SNX29: variants seen among roughly 807,000 people sequenced by gnomAD.
The protein encoded by SNX29 is sorting nexin-29.
A neutral mutation model predicts 102.1 loss-of-function variants in SNX29; 78 were observed. The ratio of observed to expected loss-of-function variants is 0.76; its 90% CI spans 0.64 to 0.92. The LOEUF is 0.92. Ranked by LOEUF, SNX29 falls within the 40% of genes least tolerant of loss-of-function variation. SNX29 has a pLI of 0.00. For synonymous variants in SNX29, 580 were observed against 414.5 expected, an observed-to-expected ratio of 1.40 and a Z score of -4.85; for missense variants, 1,280 against 1,061.7, an observed-to-expected ratio of 1.21 and a Z score of -2.86.
At chr16:12,170,775 G>C (rs2076131167) in intron 13 of SNX29, among the ~76,000 whole-genome samples, 1 of 150,116 alleles carries the variant, frequency 6.7e-6, no homozygotes, top group Non-Finnish European at 1.5e-5. Context: ...GAGTGTGAGT[G>C]TGTGTGTGAG....
intron 20 of SNX29, among the ~76,000 whole-genome samples, chr16:12,536,740 G>C (rs569453018): frequency 1.3e-4 from 20 of 152,182 alleles, no homozygotes; most frequent in Non-Finnish European, 2.4e-4. Flanking sequence ...CACTTTGGGA[G>C]GTCAAGGCAG....
At chr16:12,564,511 CAAGTTTTCTGACTCTGAATATGGAGTT>C in intron 20 of SNX29, among the ~76,000 whole-genome samples, 1 of 152,212 alleles carries the variant, frequency 6.6e-6, no homozygotes. Flanking sequence ...AGAAGGAACT[CAAGTTTTCTGACTCTGAATATGGAGTT>C]AAGGCCTTTG....
intron 3 of SNX29, among the ~76,000 whole-genome samples, chr16:12,026,989 A>G (rs2057209019): frequency 6.6e-6 from 1 of 152,056 alleles, no homozygotes; most frequent in African/African-American, 2.4e-5. Flanking sequence ...CCCACACTGA[A>G]CTGATTGGTT....
chr16:12,485,298 C>T (rs1401564454), intron 19 of SNX29, among the ~76,000 whole-genome samples: 1 of 152,098 alleles, frequency 6.6e-6, no homozygotes, highest in East Asian at 1.9e-4. Context: ...GTAAAGGACT[C>T]GTTTTTGATG....
chr16:12,021,682 G>A (rs1051942027), intron 3 of SNX29, among the ~76,000 whole-genome samples: 6 of 152,076 alleles, frequency 3.9e-5, no homozygotes, highest in Admixed American at 3.3e-4. Flanking sequence ...GAGGTCAGCA[G>A]TTTGAGATCA....
At chr16:12,276,586 C>G (rs1369795044) in intron 14 of SNX29, among the ~76,000 whole-genome samples, 1 of 152,186 alleles carries the variant, frequency 6.6e-6, no homozygotes, top group African/African-American at 2.4e-5. Context: ...GATAGGGCAT[C>G]CAAGGGATTT....
intron 14 of SNX29, among the ~76,000 whole-genome samples, chr16:12,217,471 G>C (rs2077354578): frequency 6.6e-6 from 1 of 152,160 alleles, no homozygotes; most frequent in Non-Finnish European, 1.5e-5. Context: ...TCAATACTTT[G>C]AAACCTACAG....
intron 1 of SNX29, among the ~76,000 whole-genome samples, chr16:11,980,035 C>T (rs368914799): frequency 2.6e-5 from 4 of 152,200 alleles, no homozygotes; most frequent in African/African-American, 9.6e-5. Flanking sequence ...TCTTTTAGGT[C>T]TCTCCCTCAC....
chr16:12,468,679 C>G (rs1448826233), intron 18 of SNX29, among the ~76,000 whole-genome samples: 1 of 152,168 alleles, frequency 6.6e-6, no homozygotes, highest in South Asian at 2.1e-4. Flanking sequence ...GTTTTGTTCT[C>G]CATGATAGCC....
chr16:12,049,834 C>G (rs560132676), intron 7 of SNX29, among the ~76,000 whole-genome samples: 74 of 152,252 alleles, frequency 4.9e-4, no homozygotes, highest in Non-Finnish European at 8.7e-4. Context: ...CCAGGCTGGT[C>G]TTGAACTCCT....
chr16:12,529,783 C>G (rs945434506), intron 20 of SNX29, among the ~76,000 whole-genome samples: 1 of 152,140 alleles, frequency 6.6e-6, no homozygotes, highest in Non-Finnish European at 1.5e-5. Flanking sequence ...ACGTTTAGCT[C>G]AGCGATGCCA....
chr16:12,568,261 C>T (rs930227753), intron 20 of SNX29, among the ~76,000 whole-genome samples: 7 of 149,528 alleles, frequency 4.7e-5, no homozygotes, highest in Non-Finnish European at 8.9e-5. Flanking sequence ...CATGAGCTAG[C>T]TCAGACTCAC....
chr16:12,461,659 A>G (rs1401207532), intron 18 of SNX29, among the ~76,000 whole-genome samples: 1 of 151,986 alleles, frequency 6.6e-6, no homozygotes, highest in East Asian at 1.9e-4. Flanking sequence ...TTTTTATGAT[A>G]GAAAATATTC....
chr16:12,559,865 C>G (rs1035672346), intron 20 of SNX29, among the ~76,000 whole-genome samples: 1 of 152,006 alleles, frequency 6.6e-6, no homozygotes, highest in South Asian at 2.1e-4. Flanking sequence ...TTTAAAATAC[C>G]AGATTTCAGA....
At chr16:11,986,855 G>C (rs2055648311) in intron 1 of SNX29, among the ~76,000 whole-genome samples, 1 of 152,146 alleles carries the variant, frequency 6.6e-6, no homozygotes, top group Non-Finnish European at 1.5e-5. Context: ...AAAGGACGTG[G>C]CTGTGTTCCA....
At chr16:12,377,096 C>T (rs934532764) in intron 16 of SNX29, among the ~76,000 whole-genome samples, 1 of 152,176 alleles carries the variant, frequency 6.6e-6, no homozygotes, top group South Asian at 2.1e-4. Flanking sequence ...AATGGCCAGA[C>T]TTTCTGTGTT....
chr16:12,099,705 C>T (rs1274371558), intron 11 of SNX29, among the ~76,000 whole-genome samples: 1 of 152,204 alleles, frequency 6.6e-6, no homozygotes, highest in Non-Finnish European at 1.5e-5. Context: ...TTGCACCAGC[C>T]TGCTGTGCCC....
At chr16:12,277,872 A>G in intron 14 of SNX29, 61 bp from the exon 15 acceptor site, 1 of 1,445,474 alleles carries the variant, frequency 6.9e-7, no homozygotes, top group South Asian at 1.2e-5. Flanking sequence ...TTCTTTTTTT[A>G]CTGGGAGAAT....
intron 18 of SNX29, among the ~76,000 whole-genome samples, chr16:12,476,268 C>T (rs1405631860): frequency 1.5e-5 from 2 of 137,650 alleles, no homozygotes; most frequent in Non-Finnish European, 3.1e-5. Context: ...TTGCTGAGAT[C>T]GTGCCACTGC....
Sources: allele counts gnomAD v4.1 joint callset (sites outside exome capture counted in the v4.1 genomes callset), GRCh38; gene constraint gnomAD v4.1.1; transcripts MANE v1.5; gene names NCBI Gene and HGNC (gene_info 2026-07-23, HGNC 2026-07-21).